Variants in ZNF484 observed in about 807,000 individuals in gnomAD.
The protein encoded by ZNF484 is zinc finger protein 484.
ZNF484 carries 11 observed loss-of-function variants against 12.9 expected under a neutral mutation model. That is an observed-to-expected ratio of 0.85 (90% confidence interval 0.54 to 1.41). ZNF484 has a LOEUF of 1.41. ZNF484 is among the 40% of genes most tolerant of loss of function. The pLI is 0.00. For synonymous variants in ZNF484, 289 were observed against 334.1 expected, an observed-to-expected ratio of 0.86 and a Z score of 1.47; for missense variants, 807 against 1,007.7, an observed-to-expected ratio of 0.80 and a Z score of 2.70.
chr9:92,862,506 G>A (rs748371151), intron 2 of ZNF484, among the ~76,000 whole-genome samples: 16 of 151,960 alleles, frequency 1.1e-4, no homozygotes, highest in Non-Finnish European at 2.4e-4. Context: ...GCAGAGTAGG[G>A]CAAAGTGATT....
chr9:92,847,868 C>A lies in ZNF484; in HGVS notation c.919G>T (p.Glu307Ter). Residue 307 changes from glutamate (E) to a stop codon, truncating the protein, a stop_gained, in exon 5 of 5, where the codon GAA (glutamate) becomes TAA (stop). Transcript: ENST00000375495. LOFTEE classifies it low-confidence loss of function (END_TRUNC). ...SQRVYAGICT[E>*]YEKDFSLKSN... ...TTGAGGGAAAAATCCTTCTCATATT[C>A]AGTGCATATTCCTGCATAAACCCTC... is the stretch of plus-strand genomic sequence containing the variant. 1 of 1,614,174 alleles carries A rather than the reference C, an allele frequency of 6.2e-7. No homozygotes were observed.
At chr9:92,875,925 A>G (rs1047229356) in intron 1 of ZNF484, among the ~76,000 whole-genome samples, 2 of 152,258 alleles carry the variant, frequency 1.3e-5, no homozygotes, top group Non-Finnish European at 2.9e-5. Flanking sequence ...CTTCATCTGC[A>G]GTACTGAAAG....
At chr9:92,856,077 C>T in intron 3 of ZNF484, 115 bp downstream of exon 3, 1 of 1,437,658 alleles carries the variant, frequency 7.0e-7, no homozygotes, top group Non-Finnish European at 9.5e-7. Flanking sequence ...AGATGTCCTG[C>T]AGTCTTTAGA....
Position 92,845,319 on chromosome 9 carries a change from T to A in ZNF484, c.*909A>T, listed in dbSNP as rs1025433147. 7.2e-5 allele frequency: 11 copies of A among 152,188 alleles called. No homozygotes were observed. The highest frequency in any genetic ancestry group is 1.6e-4 in the Non-Finnish European group (11 of 68,028). 9.4% of individuals were successfully genotyped at this position (152,188 alleles called of 1,614,324 possible). On this transcript the variant is annotated 3_prime_UTR_variant, in exon 5 of 5. Coordinates refer to ENST00000375495, the MANE Select transcript of ZNF484 (RefSeq NM_031486.4). The surrounding 1 kb of genome is among the most constrained non-coding windows in gnomAD (Gnocchi z 4.0). ...AAAGTCTATTCAAATACAGAGAATT[T>A]GAAAAACAAAATTAATTAAGATTAG...
intron 4 of ZNF484, among the ~76,000 whole-genome samples, chr9:92,852,559 G>A (rs150515205): frequency 0.02 from 1,954 of 99,098 alleles, 72 homozygotes; most frequent in African/African-American, 0.083. Context: ...TTTTTGAGAC[G>A]GAGTGTCGTT....
At chr9:92,869,855 C>T (rs1181957681) in intron 2 of ZNF484, among the ~76,000 whole-genome samples, 1 of 152,076 alleles carries the variant, frequency 6.6e-6, no homozygotes, top group Non-Finnish European at 1.5e-5. Flanking sequence ...TTCTAAGAAA[C>T]CACAAAGAAC....
chr9:92,847,198 CCA>C lies in ZNF484; in HGVS notation c.1587_1588del (p.Cys529TrpfsTer24), dbSNP rs751778365. 4 of 1,614,082 alleles carry C rather than the reference CCA, an allele frequency of 2.5e-6. No homozygotes were observed. Among genetic ancestry groups the C allele is most frequent in the Non-Finnish European group, 3.4e-6 (4 of 1,180,008 alleles). On this transcript the variant is annotated frameshift_variant, in exon 5 of 5. Coordinates refer to ENST00000375495, the MANE Select transcript of ZNF484 (RefSeq NM_031486.4). LOFTEE classifies it low-confidence loss of function (END_TRUNC). ...CCGAGACTTCCAGGTGAATGATTTT[CCA>C]CAGTCGCTGCATTTATAAGGTTTCT...
chr9:92,869,016 G>A (rs1235776692), intron 2 of ZNF484, among the ~76,000 whole-genome samples: 2 of 151,988 alleles, frequency 1.3e-5, no homozygotes, highest in East Asian at 3.9e-4. Flanking sequence ...AAGCCACCGC[G>A]CCTGGGTTGG....
chr9:92,846,959 A>G lies in ZNF484; in HGVS notation c.1828T>C (p.Cys610Arg). ...RIHTGEKPYE[C>R]SICGKSFTKK... The stretch of plus-strand genomic sequence containing the variant: ...GTGAAGGATTTCCCACAAATACTGC[A>G]TTCATAGGGTTTCTCTCCAGTATGA... The change falls in exon 5 of 5, where the codon TGC becomes CGC. Residue 610 changes from cysteine to arginine, a missense_variant. Cys to Arg is a radical substitution (Grantham distance 180). Coordinates refer to ENST00000375495, the MANE Select transcript of ZNF484 (RefSeq NM_031486.4). 6.2e-7 allele frequency: 1 copy of G among 1,614,148 alleles called. No individual in the cohort carries two copies. The highest frequency in any genetic ancestry group is 8.5e-7 in the Non-Finnish European group (1 of 1,180,024).
Position 92,847,298 on chromosome 9 carries a change from T to C in ZNF484, c.1489A>G (p.Ile497Val), listed in dbSNP as rs769448319. ...QKIHTGERPY[I>V]CTVCGKAFTD... Reference sequence around the variant, plus strand: ...AAGGCCTTACCACACACAGTACATATATAGGGTCTTTCTCCTGTATGAATT... The same window carrying C: ...AAGGCCTTACCACACACAGTACATACATAGGGTCTTTCTCCTGTATGAATT... The change falls in exon 5 of 5, where the codon ATA (isoleucine) becomes GTA (valine). Residue 497 changes from isoleucine to valine, a missense_variant. Coordinates refer to ENST00000375495, the MANE Select transcript of ZNF484 (RefSeq NM_031486.4). 17 of 1,614,018 alleles carry C rather than the reference T, an allele frequency of 1.1e-5. No homozygotes were observed. Among genetic ancestry groups the C allele is most frequent in the Non-Finnish European group, 1.4e-5 (16 of 1,179,968 alleles).
chr9:92,859,570 A>G (rs1162172904), intron 2 of ZNF484, among the ~76,000 whole-genome samples: 1 of 152,192 alleles, frequency 6.6e-6, no homozygotes, highest in Non-Finnish European at 1.5e-5. Flanking sequence ...TAGGGCAGCA[A>G]TGCAGGATGG....
Position 92,846,640 on chromosome 9 carries a change from C to A in ZNF484, c.2147G>T (p.Gly716Val), listed in dbSNP as rs749808306. 9 of 1,613,810 alleles carry A rather than the reference C, an allele frequency of 5.6e-6. No individual in the cohort carries two copies. The South Asian group carries it at 8.8e-5, about 16-fold the overall frequency. ...TTCATTACAAATATAGGGTTTCTCT[C>A]CTGTATGAATTCTCTGATGCATAAT... ...TLIMHQRIHT[G>V]EKPYICNECG... Residue 716 changes from glycine (G) to valine (V), a missense_variant, in exon 5 of 5, where the codon GGA becomes GTA. By Grantham distance (109) the Gly-to-Val change is moderately radical (BLOSUM62 -3). Coordinates refer to ENST00000375495, the MANE Select transcript of ZNF484 (RefSeq NM_031486.4).
At chr9:92,873,350 A>G (rs2118257062) in intron 2 of ZNF484, among the ~76,000 whole-genome samples, 1 of 152,334 alleles carries the variant, frequency 6.6e-6, no homozygotes, top group Non-Finnish European at 1.5e-5. Context: ...GTACTTTGTT[A>G]TGGCAGCCTG....
intron 2 of ZNF484, among the ~76,000 whole-genome samples, chr9:92,868,412 T>G (rs1429785694): frequency 2.0e-5 from 3 of 152,224 alleles, no homozygotes; most frequent in Non-Finnish European, 4.4e-5. Context: ...TGTATGATCT[T>G]GGGCAAATTC....
chr9:92,873,437 AACAC>A (rs958115839), intron 2 of ZNF484, among the ~76,000 whole-genome samples: 1 of 152,176 alleles, frequency 6.6e-6, no homozygotes, highest in Non-Finnish European at 1.5e-5. Flanking sequence ...GTTCCTGAAA[AACAC>A]ACAAACTACC....
chr9:92,870,464 C>G (rs765113873), intron 2 of ZNF484, among the ~76,000 whole-genome samples: 2 of 152,186 alleles, frequency 1.3e-5, no homozygotes, highest in Admixed American at 6.5e-5. Context: ...GCCTAGACTC[C>G]TGTATTTGCC....
At chr9:92,872,672 C>G (rs1857528608) in intron 2 of ZNF484, among the ~76,000 whole-genome samples, 1 of 151,948 alleles carries the variant, frequency 6.6e-6, no homozygotes, top group Non-Finnish European at 1.5e-5. Flanking sequence ...AAAATAGAAA[C>G]AGATTCTTTC....
At position 92,844,547 on chromosome 9, in the gene ZNF484, A is replaced by G. The variant is rs141879698; in HGVS notation, c.*1681T>C. On this transcript the variant is annotated 3_prime_UTR_variant, in exon 5 of 5. Coordinates refer to ENST00000375495, the MANE Select transcript of ZNF484 (RefSeq NM_031486.4). ...TGCAACAGTTAAAAAACAAAGACAAATAGATAAATTTCAAAGGAGACAGAA... is the reference window on the plus strand; with the variant it reads ...TGCAACAGTTAAAAAACAAAGACAAGTAGATAAATTTCAAAGGAGACAGAA... Among the ~76,000 whole-genome samples, 363 of 152,330 alleles carry G rather than the reference A, an allele frequency of 2.4e-3. No individual in the cohort carries two copies. The highest frequency in any genetic ancestry group is 3.2e-3 in the Non-Finnish European group (220 of 68,028).
In ZNF484 at chr9:92,859,535, C is replaced by T. The variant is rs144674785; in HGVS notation, c.16-3217G>A. 6.7e-3 allele frequency among the ~76,000 whole-genome samples: 1,014 copies of T among 152,304 alleles called. 7 individuals are homozygous for T. The highest frequency in any genetic ancestry group is 0.013 in the South Asian group (64 of 4,822). ...ACAAAAAAGGCCTCCCCAAAGCATA[C>T]ATTTTCCAGCCAAATAATTTGAAAT... is the stretch of plus-strand genomic sequence containing the variant. On this transcript the variant is annotated intron_variant, in intron 2 of 4. Transcript: ENST00000375495.
Sources: gnomAD v4.1 joint callset for allele counts (sites outside exome capture counted in the v4.1 genomes callset) on GRCh38, gnomAD v4.1.1 for gene constraint, Gnocchi (gnomAD v3.1) non-coding constraint, MANE v1.5 for transcripts, NCBI Gene and HGNC (gene_info 2026-07-23, HGNC 2026-07-21) for gene names.